The following NTRK2 variants were observed in gnomAD, a reference collection of about 807,000 sequenced individuals.
NTRK2 encodes the protein BDNF/NT-3 growth factors receptor.
Under a neutral mutation model 94.5 loss-of-function variants are expected in NTRK2, and 13 were observed. The observed-to-expected ratio is 0.14, with a 90% CI of 0.09 to 0.22. The LOEUF (loss-of-function observed/expected upper bound fraction) is 0.22. Among genes scored for constraint, NTRK2 ranks in the 10% least tolerant of loss-of-function variants. The pLI is 1.00. For synonymous variants in NTRK2, 372 were observed against 407.4 expected (o/e 0.91, Z 1.05); for missense variants, 639 against 1,071.2 (o/e 0.60, Z 5.63).
chr9:84,867,454 A>G (rs767151379), intron 14 of NTRK2, 23 bp downstream of exon 14: 5 of 1,597,230 alleles, frequency 3.1e-6, no homozygotes, highest in South Asian at 1.1e-5. Context: ...GTTTGTACTT[A>G]TTGTCCCATT....
At chr9:84,876,304 A>T in intron 14 of NTRK2, 1 of 1,047,244 alleles carries the variant, frequency 9.5e-7, no homozygotes, top group Non-Finnish European at 1.2e-6. Context: ...TAGAGATTAC[A>T]TGAAATGTCT....
intron 14 of NTRK2, among the ~76,000 whole-genome samples, chr9:84,887,533 C>T (rs906194851): frequency 1.8e-4 from 27 of 152,236 alleles, no homozygotes; most frequent in African/African-American, 6.3e-4. Flanking sequence ...TTAAAGGCCT[C>T]GGAGAAAAAC....
chr9:84,772,870 G>T (rs1564238031), intron 12 of NTRK2, among the ~76,000 whole-genome samples: 1 of 152,178 alleles, frequency 6.6e-6, no homozygotes, highest in African/African-American at 2.4e-5. Context: ...GAGAACAGTG[G>T]CAGGGGACGA....
At chr9:84,921,877 T>C (rs186424364) in intron 14 of NTRK2, among the ~76,000 whole-genome samples, 12 of 152,284 alleles carry the variant, frequency 7.9e-5, no homozygotes, top group Admixed American at 2.0e-4. Context: ...TGTGTTCAAA[T>C]TGGCTGCCCA....
At chr9:84,701,633 C>T (rs1274181809) in intron 2 of NTRK2, among the ~76,000 whole-genome samples, 5 of 151,920 alleles carry the variant, frequency 3.3e-5, no homozygotes, top group Non-Finnish European at 5.9e-5. Flanking sequence ...CTGACAAAGG[C>T]AGAAGGAGGA....
intron 12 of NTRK2, among the ~76,000 whole-genome samples, chr9:84,797,651 ATATATATAT>A (rs1317710684): frequency 2.4e-5 from 1 of 41,670 alleles, no homozygotes; most frequent in African/African-American, 1.2e-4. Flanking sequence ...TACTATAATA[ATATATATAT>A]TATATATTAT....
intron 12 of NTRK2, among the ~76,000 whole-genome samples, chr9:84,773,549 G>C (rs1588502433): frequency 6.6e-6 from 1 of 152,216 alleles, no homozygotes; most frequent in East Asian, 1.9e-4. Flanking sequence ...TTGGAGTTTA[G>C]TAAGTAGTAG....
At chr9:84,813,425 T>G in intron 12 of NTRK2, 1 of 1,063,832 alleles carries the variant, frequency 9.4e-7, no homozygotes, top group Non-Finnish European at 1.1e-6. Flanking sequence ...GGCTGCCAGT[T>G]TATTACTTTT....
intron 14 of NTRK2, among the ~76,000 whole-genome samples, chr9:84,898,237 A>T (rs1351882332): frequency 2.0e-5 from 3 of 152,162 alleles, no homozygotes; most frequent in South Asian, 4.1e-4. Flanking sequence ...CTCTGTCAGG[A>T]CAGTCCTTCC....
chr9:84,759,332 A>C (rs2065348440), intron 12 of NTRK2, among the ~76,000 whole-genome samples: 2 of 152,248 alleles, frequency 1.3e-5, no homozygotes, highest in African/African-American at 4.8e-5. Flanking sequence ...ACATATTGAA[A>C]ATGTGTGTCA....
chr9:84,841,145 T>A (rs2131785744), intron 12 of NTRK2, among the ~76,000 whole-genome samples: 1 of 152,344 alleles, frequency 6.6e-6, no homozygotes, highest in Non-Finnish European at 1.5e-5. Context: ...TCCGTCTCCA[T>A]GCTGGCATTG....
chr9:84,703,484 AT>A lies in NTRK2; in HGVS notation c.359+1066del, dbSNP rs2060855320. 2.0e-5 allele frequency among the ~76,000 whole-genome samples: 3 copies of A among 152,284 alleles called. No individual in the cohort carries two copies. The East Asian group carries it at 5.8e-4, about 29-fold the overall frequency. ...TTACAATAAGAGCACAGGAAATAAA[AT>A]CTGTATCATCCTTAGAGAATCAGAC... On this transcript the variant is annotated intron_variant, in intron 4 of 18. Transcript: ENST00000277120.
At chr9:84,989,065 T>TTAC in intron 17 of NTRK2, among the ~76,000 whole-genome samples, 1 of 152,196 alleles carries the variant, frequency 6.6e-6, no homozygotes, top group East Asian at 1.9e-4. Context: ...AGAACACAGG[T>TTAC]TACTCAGCCA....
At chr9:84,844,670 C>T (rs1475339250) in intron 12 of NTRK2, among the ~76,000 whole-genome samples, 11 of 151,460 alleles carry the variant, frequency 7.3e-5, no homozygotes, top group Admixed American at 7.2e-4. Context: ...CACACACACA[C>T]ACACACACAC....
chr9:84,766,760 A>G lies in NTRK2; in HGVS notation c.1396+14675A>G, dbSNP rs141565373. Among the ~76,000 whole-genome samples the G allele has an allele frequency of 5.5e-3, 833 of 152,096 alleles. 4 individuals carry two copies. The highest frequency in any genetic ancestry group is 0.016 in the African/African-American group (661 of 41,518). On this transcript the variant is annotated intron_variant, in intron 12 of 18. Transcript: ENST00000277120. ...CACACACATTCAACACACTTTTAATACATACATTCAACACACAGATACATA... is the reference window on the plus strand; with the variant it reads ...CACACACATTCAACACACTTTTAATGCATACATTCAACACACAGATACATA...
chr9:84,956,278 A>G (rs1824112970), intron 17 of NTRK2, among the ~76,000 whole-genome samples: 1 of 152,212 alleles, frequency 6.6e-6, no homozygotes, highest in Admixed American at 6.5e-5. Flanking sequence ...AGACACTTCC[A>G]CACAGCTTGT....
At chr9:84,854,445 G>T (rs1304799497) in intron 12 of NTRK2, among the ~76,000 whole-genome samples, 1 of 152,052 alleles carries the variant, frequency 6.6e-6, no homozygotes, top group African/African-American at 2.4e-5. Context: ...TAAGTCGCTG[G>T]CTTCTTGAGG....
chr9:84,745,729 T>C (rs2064010517), intron 11 of NTRK2, among the ~76,000 whole-genome samples: 1 of 152,126 alleles, frequency 6.6e-6, no homozygotes, highest in African/African-American at 2.4e-5. Context: ...ATTTGGGGCA[T>C]GTGAACAGGA....
chr9:84,826,504 CT>C (rs1427209703), intron 12 of NTRK2, among the ~76,000 whole-genome samples: 2 of 152,122 alleles, frequency 1.3e-5, no homozygotes, highest in African/African-American at 2.4e-5. Context: ...TTGGACATAT[CT>C]TTTTTTACAG....
Sources: gnomAD v4.1 joint callset for allele counts (sites outside exome capture counted in the v4.1 genomes callset) on GRCh38, gnomAD v4.1.1 for gene constraint, MANE v1.5 for transcripts, NCBI Gene and HGNC (gene_info 2026-07-23, HGNC 2026-07-21) for gene names.